Variants in EIF4E2 observed in about 807,000 individuals in gnomAD.
The protein encoded by EIF4E2 is eukaryotic translation initiation factor 4E family member 2.
Under a neutral mutation model 34.2 loss-of-function variants are expected in EIF4E2, and 13 were observed. The ratio of observed to expected loss-of-function variants is 0.38; its 90% CI spans 0.25 to 0.60. The LOEUF is 0.60. EIF4E2 is among the 20% of genes least tolerant of loss of function. The probability of loss-of-function intolerance (pLI) is 0.62; values close to 1 mark genes in which losing one functional copy is unlikely to be tolerated. For synonymous variants in EIF4E2, 100 were observed against 106.6 expected (o/e 0.94, Z 0.38); for missense variants, 222 against 315.1 (o/e 0.70, Z 2.24).
rs576233672 is a variant in EIF4E2, at chr2:232,559,824, T to TAAAAAAAAAAAA, written c.270+1814_270+1825dup. 2.4e-3 allele frequency among the ~76,000 whole-genome samples: 281 copies of TAAAAAAAAAAAA among 115,386 alleles called. 2 individuals carry two copies. Among genetic ancestry groups the TAAAAAAAAAAAA allele is most frequent in the African/African-American group, 9.8e-3 (267 of 27,270 alleles). The allele number at this position is 115,386 out of a possible 152,430, so 75.7% of individuals were successfully genotyped here. On this transcript the variant is annotated intron_variant, in intron 3 of 6. Coordinates refer to ENST00000258416, the MANE Select transcript of EIF4E2 (RefSeq NM_004846.4). ...GCTGGCTTGGAGAAAACGGGAGCAT[T>TAAAAAAAAAAAA]AAAAAAAAAAAAAAAAAAAGGCTGG...
Position 232,550,703 on chromosome 2 carries a change from T to C in EIF4E2, c.-22T>C. The C allele has an allele frequency of 6.3e-7, 1 of 1,584,632 alleles. No homozygotes were observed. Among genetic ancestry groups the C allele is most frequent in the Non-Finnish European group, 8.6e-7 (1 of 1,167,142 alleles). ...GAGCGGAAGTCACTCCCTGAGGCAG[T>C]GGCGACAGCGGCGGCGAGAGGATGA... is the stretch of plus-strand genomic sequence containing the variant. On this transcript the variant is annotated 5_prime_UTR_variant, in exon 1 of 7. Coordinates refer to ENST00000258416, the MANE Select transcript of EIF4E2 (RefSeq NM_004846.4).
chr2:232,574,014 T>G, downstream of EIF4E2: 1 of 679,740 alleles, frequency 1.5e-6, no homozygotes, highest in Non-Finnish European at 2.8e-6. Context: ...GTGCAAATCC[T>G]TGAGGGAACA....
intron 6 of EIF4E2, among the ~76,000 whole-genome samples, chr2:232,574,942 A>G (rs973504523): frequency 4.6e-5 from 7 of 152,218 alleles, no homozygotes; most frequent in African/African-American, 7.2e-5. Flanking sequence ...CAACTAAAGC[A>G]TTGACTTTGG....
Position 232,566,925 on chromosome 2 carries a change from G to A in EIF4E2, c.472G>A (p.Glu158Lys), listed in dbSNP as rs1692953663. The A allele has an allele frequency of 6.2e-7, 1 of 1,612,040 alleles. No individual in the cohort carries two copies. The highest frequency in any genetic ancestry group is 8.5e-7 in the Non-Finnish European group (1 of 1,179,026). Residue 158 changes from glutamate (E) to lysine (K), a missense_variant, in exon 5 of 7, where the codon GAA (glutamate) becomes AAA (lysine). Glu to Lys is a moderately conservative substitution (Grantham distance 56, BLOSUM62 1). This residue lies in a region of EIF4E2 where 105 missense variants were observed against 195.1 expected (regional missense o/e 0.54). Transcript: ENST00000258416. The surrounding 1 kb of genome is among the most constrained non-coding windows in gnomAD (Gnocchi z 4.9). ...WENLILAMLGEQFMVGEEICG... is the reference protein window; with the variant it reads ...WENLILAMLGKQFMVGEEICG... ...GAATCTCATTTTGGCCATGCTGGGG[G>A]AACAGTTCATGGTTGGGGAGGAGAT...
chr2:232,568,732 C>T (rs1017892706), intron 6 of EIF4E2: 7 of 985,292 alleles, frequency 7.1e-6, no homozygotes, highest in African/African-American at 7.0e-5. Context: ...CACGTCCTTA[C>T]AGAGTTTAGG....
intron 1 of EIF4E2, among the ~76,000 whole-genome samples, chr2:232,555,459 G>A (rs1480736898): frequency 2.6e-5 from 4 of 152,188 alleles, no homozygotes; most frequent in Non-Finnish European, 4.4e-5. Flanking sequence ...TCATGAAAGG[G>A]TAATCCCTAA....
chr2:232,560,622 T>A (rs997483252), intron 3 of EIF4E2, among the ~76,000 whole-genome samples: 2 of 152,136 alleles, frequency 1.3e-5, no homozygotes, highest in African/African-American at 4.8e-5. Context: ...TAGGATTTCA[T>A]CAAAATTCAA....
intron 6 of EIF4E2, among the ~76,000 whole-genome samples, chr2:232,580,203 T>G (rs570783919): frequency 2.7e-4 from 41 of 152,292 alleles, no homozygotes; most frequent in Non-Finnish European, 4.4e-4. Context: ...TGGAATATCC[T>G]TTCCTTCTGT....
rs775478497 is a variant in EIF4E2, at chr2:232,567,681, A to C, written c.665+467A>C. On this transcript the variant is annotated intron_variant, in intron 6 of 6. Transcript: ENST00000258416. Reference sequence around the variant, plus strand: ...GGAATGACTCCATTTCCTTGTGTATAGAGCTGACTCTTAGAAGAAGGGGGA... The same window carrying C: ...GGAATGACTCCATTTCCTTGTGTATCGAGCTGACTCTTAGAAGAAGGGGGA... 8.9e-4 allele frequency: 899 copies of C among 1,011,482 alleles called. 2 individuals are homozygous for C. The highest frequency in any genetic ancestry group is 1.0e-3 in the Non-Finnish European group (886 of 848,142). 62.7% of individuals were successfully genotyped at this position (1,011,482 alleles called of 1,614,324 possible). A position where few individuals can be genotyped will look rare whatever the true frequency, so the allele number is the denominator to read the frequency against.
downstream of EIF4E2, among the ~76,000 whole-genome samples, chr2:232,571,036 T>TTTAA (rs749437268): frequency 6.8e-4 from 103 of 152,138 alleles, no homozygotes; most frequent in Non-Finnish European, 6.2e-4. Context: ...TGAGGGGAGT[T>TTTAA]TTTTAAGAGT....
intron 6 of EIF4E2, among the ~76,000 whole-genome samples, chr2:232,574,858 G>A (rs1693171275): frequency 6.6e-6 from 1 of 152,206 alleles, no homozygotes; most frequent in African/African-American, 2.4e-5. Flanking sequence ...AGTAGCAGTT[G>A]TTCCAAGCTG....
At chr2:232,557,624 A>G in intron 2 of EIF4E2, 1 of 398,808 alleles carries the variant, frequency 2.5e-6, no homozygotes, top group Non-Finnish European at 4.6e-6. Flanking sequence ...GAGATAAGAT[A>G]CAAAGATGAA....
Position 232,566,702 on chromosome 2 carries a change from A to C in EIF4E2, c.376-127A>C. The C allele has an allele frequency of 1.0e-5, 11 of 1,060,750 alleles. No homozygotes were observed. Among genetic ancestry groups the C allele is most frequent in the South Asian group, 1.7e-5 (1 of 60,590 alleles). 65.7% of individuals were successfully genotyped at this position (1,060,750 alleles called of 1,614,324 possible). On this transcript the variant is annotated intron_variant, in intron 4 of 6. Transcript: ENST00000258416. The surrounding 1 kb of genome is among the most constrained non-coding windows in gnomAD (Gnocchi z 4.9). Reference sequence around the variant, plus strand: ...CTAGTCCTACCATCAGTTTTTCTATAGAGTTGAATAATTGGAAAGTGATAT... The same window carrying C: ...CTAGTCCTACCATCAGTTTTTCTATCGAGTTGAATAATTGGAAAGTGATAT...
At chr2:232,576,876 G>A (rs915663828) in intron 6 of EIF4E2, among the ~76,000 whole-genome samples, 5 of 152,074 alleles carry the variant, frequency 3.3e-5, no homozygotes, top group African/African-American at 1.2e-4. Flanking sequence ...GAAGAAATTT[G>A]GCAGAGAAAC....
intron 3 of EIF4E2, chr2:232,558,582 C>T (rs1226631491): frequency 1.4e-5 from 2 of 145,528 alleles, no homozygotes; most frequent in East Asian, 4.0e-4. Flanking sequence ...CTGCACCTGG[C>T]CCTGTTTTTT....
downstream of EIF4E2, among the ~76,000 whole-genome samples, chr2:232,571,124 G>C (rs548819567): frequency 1.3e-5 from 2 of 152,142 alleles, no homozygotes; most frequent in East Asian, 3.8e-4. Context: ...TTCTTCAACC[G>C]TTGGGTTTTT....
chr2:232,568,884 T>A, intron 6 of EIF4E2, 61 bp from the exon 7 acceptor site: 1 of 1,609,450 alleles, frequency 6.2e-7, no homozygotes, highest in Middle Eastern at 1.7e-4. Context: ...CAGATGCTAC[T>A]TTCCCTTGCG....
rs146121234 is a variant in EIF4E2 at position 232,581,034 on chromosome 2, T to A, written c.*91T>A. 3 of 1,284,560 alleles carry A rather than the reference T, an allele frequency of 2.3e-6. No individual in the cohort carries two copies. The African/African-American group carries it at 4.4e-5, about 19-fold the overall frequency. 79.6% of individuals were successfully genotyped at this position (1,284,560 alleles called of 1,614,324 possible). ...TCCAGCCAGTCCTTCCATTGCTCAC[T>A]GAAGGGACGTCCCTGAGCCGTGCGC... On this transcript the variant is annotated 3_prime_UTR_variant, in exon 7 of 7. Coordinates refer to the EIF4E2 transcript ENST00000409098. The surrounding 1 kb of genome is among the most constrained non-coding windows in gnomAD (Gnocchi z 5.2).
At chr2:232,576,849 A>G (rs1693233941) in intron 6 of EIF4E2, among the ~76,000 whole-genome samples, 1 of 152,216 alleles carries the variant, frequency 6.6e-6, no homozygotes. Flanking sequence ...TTTTCCTCCA[A>G]ATAGATTGTG....
Sources: gnomAD v4.1 joint callset for allele counts (sites outside exome capture counted in the v4.1 genomes callset) on GRCh38, gnomAD v4.1.1 for gene constraint, gnomAD v4.1.1 regional missense constraint, Gnocchi (gnomAD v3.1) non-coding constraint, MANE v1.5 for transcripts, NCBI Gene and HGNC (gene_info 2026-07-23, HGNC 2026-07-21) for gene names.